The following RNF123 variants were observed in gnomAD, a reference collection of about 807,000 sequenced individuals.
RNF123 encodes the protein ring finger protein 123, also known as E3 ubiquitin-protein ligase RNF123.
A neutral mutation model predicts 168.5 loss-of-function variants in RNF123; 86 were observed. The ratio of observed to expected loss-of-function variants is 0.51; its 90% CI spans 0.43 to 0.61. The LOEUF is 0.61. Ranked by LOEUF, RNF123 falls within the 20% of genes least tolerant of loss-of-function variation. The probability of loss-of-function intolerance (pLI) is 0.00; values close to 1 mark genes in which losing one functional copy is unlikely to be tolerated. For synonymous variants in RNF123, 666 were observed against 689.1 expected (o/e 0.97, Z 0.52); for missense variants, 1,419 against 1,729.7 (o/e 0.82, Z 3.19).
At position 49,721,322 on chromosome 3, in the gene RNF123, C is replaced by T; in HGVS notation, c.*17C>T. 6.2e-7 allele frequency: 1 copy of T among 1,614,156 alleles called. No individual in the cohort carries two copies. Among genetic ancestry groups the T allele is most frequent in the Middle Eastern group, 1.6e-4 (1 of 6,062 alleles). On this transcript the variant is annotated 3_prime_UTR_variant, in exon 39 of 39. Transcript: ENST00000327697. ...GCTGCCTAGCCCTCACAGCCTGTGCCATCCTGGAACCTCCACCTTTGAACC... is the reference window on the plus strand; with the variant it reads ...GCTGCCTAGCCCTCACAGCCTGTGCTATCCTGGAACCTCCACCTTTGAACC...
At chr3:49,717,112 T>C (rs2080263530) in intron 35 of RNF123, 1 of 153,040 alleles carries the variant, frequency 6.5e-6, no homozygotes, top group Non-Finnish European at 1.5e-5. Context: ...CTCGCCAGGC[T>C]TTTCGGGCTT....
At chr3:49,704,898 A>G (rs2054482617) in intron 22 of RNF123, 86 bp from the exon 23 acceptor site, 1 of 1,425,624 alleles carries the variant, frequency 7.0e-7, no homozygotes, top group Admixed American at 2.1e-5. Flanking sequence ...GGGTGGAGGC[A>G]TGGACCCTCC....
chr3:49,708,933 T>C (rs2080086179), intron 26 of RNF123, among the ~76,000 whole-genome samples: 1 of 152,196 alleles, frequency 6.6e-6, no homozygotes, highest in Non-Finnish European at 1.5e-5. Flanking sequence ...TACTGTATCA[T>C]ATGGTAATTC....
chr3:49,697,746 C>T (rs1055106223), intron 5 of RNF123, 139 bp from the exon 6 acceptor site: 16 of 1,024,782 alleles, frequency 1.6e-5, no homozygotes, highest in Non-Finnish European at 2.1e-5. Context: ...CCGCTCCCAC[C>T]GTCCTCAGGC....
intron 26 of RNF123, among the ~76,000 whole-genome samples, chr3:49,710,965 G>A (rs1191624614): frequency 6.6e-6 from 1 of 152,190 alleles, no homozygotes; most frequent in Admixed American, 6.5e-5. Flanking sequence ...TTAATGGAGA[G>A]ATTCACTCCT....
At position 49,718,286 on chromosome 3, in the gene RNF123, C is replaced by T. The variant is rs756316791; in HGVS notation, c.3500+1809C>T. The T allele has an allele frequency of 1.2e-6, 2 of 1,612,952 alleles. No homozygotes were observed. Among genetic ancestry groups the T allele is most frequent in the African/African-American group, 1.3e-5 (1 of 74,924 alleles). On this transcript the variant is annotated intron_variant, in intron 35 of 38. Transcript: ENST00000327697. ...AGGTAGAGCAGCACGAGCACAAGGC[C>T]CACGGCACAGCCCAGCAGTGTGGTG...
chr3:49,707,783 G>A (rs1237234810), intron 26 of RNF123, among the ~76,000 whole-genome samples: 1 of 151,846 alleles, frequency 6.6e-6, no homozygotes, highest in South Asian at 2.1e-4. Context: ...CTGGATGACC[G>A]TGCTTACTGC....
At chr3:49,709,582 G>A (rs975125760) in intron 26 of RNF123, among the ~76,000 whole-genome samples, 2 of 152,148 alleles carry the variant, frequency 1.3e-5, no homozygotes, top group Admixed American at 6.5e-5. Context: ...TTACAGGCGT[G>A]AGCCACCGCG....
intron 26 of RNF123, among the ~76,000 whole-genome samples, chr3:49,708,223 C>T (rs2080070504): frequency 6.6e-6 from 1 of 152,216 alleles, no homozygotes; most frequent in African/African-American, 2.4e-5. Context: ...CTCGGCCTCC[C>T]AAAGTGCTGG....
chr3:49,698,663 C>G lies in RNF123; in HGVS notation c.571-92C>G, dbSNP rs1413272074. The G allele has an allele frequency of 3.9e-6, 6 of 1,546,380 alleles. No homozygotes were observed. In the East Asian group the frequency reaches 1.4e-4, roughly 35 times the overall value. ...CAGGTCCTTTGTCCTTGTGGCTAGT[C>G]TCCCTTGGGTGGTTCTGGAAACGCA... is the stretch of plus-strand genomic sequence containing the variant. On this transcript the variant is annotated intron_variant, in intron 8 of 38. Transcript: ENST00000327697.
At position 49,699,706 on chromosome 3, in the gene RNF123, G is replaced by A. The variant is rs761624143; in HGVS notation, c.918G>A (p.Arg306=). The change falls in exon 12 of 39, where the codon CGG becomes CGA. Residue 306 remains arginine (R), a synonymous_variant. Transcript: ENST00000327697. This position sits in a 1 kb window ranked among gnomAD's most constrained non-coding sequence, Gnocchi z 4.8. Reference sequence around the variant, plus strand: ...TGGACAAGGAGAGCTCCAAGTGGCGGTTGCGGGGCCAGCCCACCGTCCTCC... The same window carrying A: ...TGGACAAGGAGAGCTCCAAGTGGCGATTGCGGGGCCAGCCCACCGTCCTCC... The part of the protein sequence containing the change: ...RLLDKESSKW[R]LRGQPTVLLT... 1 of 1,613,760 alleles carries A rather than the reference G, an allele frequency of 6.2e-7. No individual in the cohort carries two copies.
rs750733949 is a variant in RNF123, at chr3:49,721,338, C to T, written c.*33C>T. 3.7e-6 allele frequency: 6 copies of T among 1,614,082 alleles called. No individual in the cohort carries two copies. Among genetic ancestry groups the T allele is most frequent in the African/African-American group, 1.3e-5 (1 of 75,062 alleles). On this transcript the variant is annotated 3_prime_UTR_variant, in exon 39 of 39. Coordinates refer to ENST00000327697, the MANE Select transcript of RNF123 (RefSeq NM_022064.5). The stretch of plus-strand genomic sequence containing the variant: ...AGCCTGTGCCATCCTGGAACCTCCA[C>T]CTTTGAACCCAGAGCCAGGCTGGGC...
chr3:49,718,210 C>A (rs766798887), intron 35 of RNF123: 5 of 1,609,346 alleles, frequency 3.1e-6, no homozygotes, highest in Non-Finnish European at 4.2e-6. Context: ...TGTTTGGGGC[C>A]AGCGGCGGCA....
chr3:49,698,223 A>G, intron 7 of RNF123, 86 bp downstream of exon 7: 1 of 1,280,176 alleles, frequency 7.8e-7, no homozygotes. Flanking sequence ...ATCCCCTCAG[A>G]ACTGCCTAGG....
At chr3:49,720,062 T>C in intron 35 of RNF123, 1 of 159,990 alleles carries the variant, frequency 6.3e-6, no homozygotes, top group Non-Finnish European at 1.4e-5. Flanking sequence ...ACGCCTGTAA[T>C]CCCAGCACTT....
chr3:49,701,813 C>T lies in RNF123; in HGVS notation c.1398C>T (p.Gly466=). The change falls in exon 17 of 39, where the codon GGC becomes GGT. Residue 466 remains glycine (G), a splice_region_variant and synonymous_variant. Coordinates refer to ENST00000327697, the MANE Select transcript of RNF123 (RefSeq NM_022064.5). ...TTCCACCTGCTACCCCTGCCTAGGG[C>T]AAAGAGAGCACGGAGATGAAGGAGG... ...TWWPHCSSRE[G]KESTEMKEET... is the part of the protein sequence containing the mutation. 1 of 1,570,454 alleles carries T rather than the reference C, an allele frequency of 6.4e-7. No homozygotes were observed. Among genetic ancestry groups the T allele is most frequent in the Non-Finnish European group, 8.6e-7 (1 of 1,157,818 alleles).
At chr3:49,702,011 G>T (rs1172877244) in intron 17 of RNF123, 72 bp from the exon 18 acceptor site, 1 of 1,570,590 alleles carries the variant, frequency 6.4e-7, no homozygotes, top group Non-Finnish European at 8.7e-7. Context: ...GAACCCTGGT[G>T]GTGGAGCCCT....
rs756190566 is a variant in RNF123 at position 49,703,496 on chromosome 3, G to C, written c.1820G>C (p.Gly607Ala). ...TACTTTGACCTGCAGCGCCTGGGGG[G>C]CCTCCTCTCGCACCTGCGGAAGACC... ...VDYFDLQRLGGLLSHLRKTLK... is the reference protein window; with the variant it reads ...VDYFDLQRLGALLSHLRKTLK... Residue 607 changes from glycine to alanine, a missense_variant, in exon 21 of 39, where the codon GGC becomes GCC. By Grantham distance (60) the Gly-to-Ala change is moderately conservative. Transcript: ENST00000327697. 1 of 1,614,122 alleles carries C rather than the reference G, an allele frequency of 6.2e-7. No individual in the cohort carries two copies. The highest frequency in any genetic ancestry group is 1.7e-5 in the Admixed American group (1 of 60,012).
rs1237147613 is a variant in RNF123, at chr3:49,699,554, C to T, written c.851C>T (p.Ala284Val). 1.2e-5 allele frequency: 19 copies of T among 1,613,220 alleles called. No individual in the cohort carries two copies. Among genetic ancestry groups the T allele is most frequent in the Non-Finnish European group, 1.6e-5 (19 of 1,179,802 alleles). ...RAQRLLGCFR[A>V]VLSVELDPVE... is the part of the protein sequence containing the mutation. Reference sequence around the variant, plus strand: ...CAGAGGTTGCTGGGCTGCTTCCGGGCAGTGCTGAGTGTGGAGCTGGACCCT... The same window carrying T: ...CAGAGGTTGCTGGGCTGCTTCCGGGTAGTGCTGAGTGTGGAGCTGGACCCT... Residue 284 changes from alanine (A) to valine (V), a missense_variant, in exon 11 of 39, where the codon GCA (alanine) becomes GTA (valine). Ala to Val is a moderately conservative substitution (Grantham distance 64). This residue lies in a region of RNF123 where 318 missense variants were observed against 446.6 expected (regional missense o/e 0.71). Coordinates refer to ENST00000327697, the MANE Select transcript of RNF123 (RefSeq NM_022064.5). This position sits in a 1 kb window ranked among gnomAD's most constrained non-coding sequence, Gnocchi z 4.8.
Sources: allele counts gnomAD v4.1 joint callset (sites outside exome capture counted in the v4.1 genomes callset), GRCh38; gene constraint gnomAD v4.1.1; regional missense constraint gnomAD v4.1.1; non-coding constraint Gnocchi (gnomAD v3.1); transcripts MANE v1.5; gene names NCBI Gene and HGNC (gene_info 2026-07-23, HGNC 2026-07-21).